The following PLCB1 variants were observed in gnomAD, a reference collection of about 807,000 sequenced individuals.
PLCB1 encodes 1-phosphatidylinositol 4,5-bisphosphate phosphodiesterase beta-1.
A neutral mutation model predicts 161.8 loss-of-function variants in PLCB1; 46 were observed. That is an observed-to-expected ratio of 0.28 (90% confidence interval 0.22 to 0.36). PLCB1 has a LOEUF of 0.36. PLCB1 is among the 10% of genes least tolerant of loss of function. PLCB1 has a pLI of 1.00. For missense variants in PLCB1, 1,016 were observed against 1,472.5 expected (o/e 0.69, Z 5.07); for synonymous variants, 517 against 503.7 (o/e 1.03, Z -0.35).
chr20:8,669,779 G>C (rs1203627427), intron 9 of PLCB1, among the ~76,000 whole-genome samples: 3 of 152,168 alleles, frequency 2.0e-5, no homozygotes, highest in Non-Finnish European at 2.9e-5. Context: ...GGCACTAAAA[G>C]ATAACATGTT....
At chr20:8,454,411 G>A (rs1981206424) in intron 3 of PLCB1, among the ~76,000 whole-genome samples, 1 of 152,198 alleles carries the variant, frequency 6.6e-6, no homozygotes, top group African/African-American at 2.4e-5. Flanking sequence ...GATCAAACTG[G>A]CTGCTATGTG....
At chr20:8,454,382 A>G (rs1284534083) in intron 3 of PLCB1, among the ~76,000 whole-genome samples, 1 of 152,176 alleles carries the variant, frequency 6.6e-6, no homozygotes, top group Non-Finnish European at 1.5e-5. Flanking sequence ...AAGGAGTAAA[A>G]TGACATGTGT....
intron 3 of PLCB1, among the ~76,000 whole-genome samples, chr20:8,463,721 T>C (rs889491752): frequency 1.3e-5 from 2 of 152,200 alleles, no homozygotes; most frequent in African/African-American, 4.8e-5. Context: ...TTTTGGCTTG[T>C]ATACGTAACT....
intron 3 of PLCB1, among the ~76,000 whole-genome samples, chr20:8,525,779 AGC>A (rs1030814101): frequency 6.7e-6 from 1 of 150,296 alleles, no homozygotes; most frequent in African/African-American, 2.4e-5. Flanking sequence ...TGAAAAAAAC[AGC>A]TTTTTTTTTT....
At chr20:8,312,397 T>G (rs1984447255) in intron 2 of PLCB1, among the ~76,000 whole-genome samples, 1 of 152,174 alleles carries the variant, frequency 6.6e-6, no homozygotes, top group Admixed American at 6.5e-5. Context: ...ATTTATCTTC[T>G]TCATGAAGAT....
chr20:8,664,036 A>G (rs1012964191), intron 9 of PLCB1, among the ~76,000 whole-genome samples: 1 of 152,132 alleles, frequency 6.6e-6, no homozygotes, highest in African/African-American at 2.4e-5. Context: ...TGAAGTCCAA[A>G]TTTTACTTAA....
At chr20:8,315,135 G>A (rs773037568) in intron 2 of PLCB1, among the ~76,000 whole-genome samples, 2 of 152,188 alleles carry the variant, frequency 1.3e-5, no homozygotes, top group African/African-American at 2.4e-5. Flanking sequence ...ACTCAGGTCA[G>A]TTCTTACTTC....
chr20:8,179,890 T>TTG (rs2051822118), intron 2 of PLCB1, among the ~76,000 whole-genome samples: 2 of 121,878 alleles, frequency 1.6e-5, no homozygotes, highest in Admixed American at 1.7e-4. Context: ...ACGGAGTCCC[T>TTG]CTCTGTCGCC....
intron 11 of PLCB1, among the ~76,000 whole-genome samples, chr20:8,707,299 G>A (rs1176341913): frequency 6.6e-6 from 1 of 152,080 alleles, no homozygotes; most frequent in African/African-American, 2.4e-5. Context: ...ATATTGAATG[G>A]GGAAGGTAGA....
intron 31 of PLCB1, among the ~76,000 whole-genome samples, chr20:8,872,644 A>C (rs1987646124): frequency 6.6e-6 from 1 of 152,102 alleles, no homozygotes; most frequent in South Asian, 2.1e-4. Flanking sequence ...GGGACTGGGT[A>C]CTCAATTCAC....
chr20:8,520,998 A>G (rs559135459), intron 3 of PLCB1, among the ~76,000 whole-genome samples: 3 of 152,328 alleles, frequency 2.0e-5, no homozygotes, highest in African/African-American at 7.2e-5. Context: ...ATCCTAAGAC[A>G]AATTAAATAT....
intron 2 of PLCB1, among the ~76,000 whole-genome samples, chr20:8,262,175 G>A (rs6140571): frequency 6.6e-6 from 1 of 151,972 alleles, no homozygotes. Flanking sequence ...CTGAGTTTAA[G>A]GATTTGCCTG....
intron 15 of PLCB1, among the ~76,000 whole-genome samples, chr20:8,724,043 G>A (rs570686242): frequency 1.3e-4 from 19 of 151,826 alleles, no homozygotes; most frequent in African/African-American, 4.6e-4. Flanking sequence ...ACACATAAAG[G>A]GACATGGGGC....
intron 2 of PLCB1, among the ~76,000 whole-genome samples, chr20:8,192,565 G>A (rs2051981402): frequency 6.6e-6 from 1 of 151,564 alleles, no homozygotes; most frequent in Admixed American, 6.6e-5. Context: ...CAGTTCTGGA[G>A]GCAGGATGTA....
intron 3 of PLCB1, among the ~76,000 whole-genome samples, chr20:8,621,495 T>C (rs1308241159): frequency 6.6e-6 from 1 of 152,234 alleles, no homozygotes; most frequent in Non-Finnish European, 1.5e-5. Flanking sequence ...AGGATGATTG[T>C]ACAAATAATG....
chr20:8,539,637 T>TTTCCTTCTTTCTTTCTTTCTTTCC (rs745533342), intron 3 of PLCB1, among the ~76,000 whole-genome samples: 1 of 91,052 alleles, frequency 1.1e-5, no homozygotes, highest in Non-Finnish European at 2.1e-5. Flanking sequence ...TCTTTCTTTC[T>TTTCCTTCTTTCTTTCTTTCTTTCC]TTCTTTCTTT....
intron 2 of PLCB1, among the ~76,000 whole-genome samples, chr20:8,355,496 G>T (rs950712611): frequency 4.6e-5 from 7 of 152,162 alleles, no homozygotes; most frequent in African/African-American, 1.7e-4. Context: ...GAAAGAAAAA[G>T]ACCTGAAATG....
intron 2 of PLCB1, among the ~76,000 whole-genome samples, chr20:8,315,461 C>T (rs1984601573): frequency 6.6e-6 from 1 of 152,182 alleles, no homozygotes; most frequent in South Asian, 2.1e-4. Context: ...AGTCACCATA[C>T]TCCTCTAGTG....
At chr20:8,743,158 C>T (rs1446362339) in intron 23 of PLCB1, among the ~76,000 whole-genome samples, 3 of 152,152 alleles carry the variant, frequency 2.0e-5, no homozygotes, top group Admixed American at 6.5e-5. Context: ...AGTTTTTCTT[C>T]ATTCAGTTTG....
Sources: gnomAD v4.1 joint callset for allele counts (sites outside exome capture counted in the v4.1 genomes callset) on GRCh38, gnomAD v4.1.1 for gene constraint, MANE v1.5 for transcripts, NCBI Gene and HGNC (gene_info 2026-07-23, HGNC 2026-07-21) for gene names.